Variants in MACF1 observed in about 807,000 individuals in gnomAD.
The protein encoded by MACF1 is microtubule-actin cross-linking factor 1.
Under a neutral mutation model 854.8 loss-of-function variants are expected in MACF1, and 193 were observed. That is an observed-to-expected ratio of 0.23 (90% confidence interval 0.20 to 0.25). MACF1 has a LOEUF of 0.25. MACF1 is among the 10% of genes least tolerant of loss of function. The probability of loss-of-function intolerance (pLI) is 1.00; values close to 1 mark genes in which losing one functional copy is unlikely to be tolerated. For synonymous variants in MACF1, 3,185 were observed against 3,226.7 expected (o/e 0.99, Z 0.44); for missense variants, 7,722 against 8,929.1 (o/e 0.86, Z 5.45).
At chr1:39,393,867 A>AG (rs1557628504) in intron 58 of MACF1, among the ~76,000 whole-genome samples, 33 of 134,120 alleles carry the variant, frequency 2.5e-4, no homozygotes, top group Admixed American at 1.4e-3. Context: ...GAGAGAGAGA[A>AG]AGAAAGAGAG....
At chr1:39,359,036 G>A in intron 46 of MACF1, 105 bp from the exon 47 acceptor site, 1 of 1,478,234 alleles carries the variant, frequency 6.8e-7, no homozygotes, top group Non-Finnish European at 9.2e-7. Context: ...TATGGCTATG[G>A]TTAAACTTAC....
rs187462252 is a variant in MACF1 at position 39,313,607 on chromosome 1, G to A, written c.3271-1906G>A. Among the ~76,000 whole-genome samples the A allele has an allele frequency of 7.8e-3, 1,117 of 144,052 alleles. 10 individuals carry two copies. The highest frequency in any genetic ancestry group is 0.011 in the Non-Finnish European group (729 of 66,062). 94.5% of individuals were successfully genotyped at this position (144,052 alleles called of 152,430 possible). A position where few individuals can be genotyped will look rare whatever the true frequency, so the allele number is the denominator to read the frequency against. On this transcript the variant is annotated intron_variant, in intron 26 of 100. Coordinates refer to ENST00000564288, the MANE Select transcript of MACF1 (RefSeq NM_001394062.1). Reference sequence around the variant, plus strand: ...CTTTCTTCTTTCATTATTTATTTATGTCAATATATACTCATGGATTCTTAT... The same window carrying A: ...CTTTCTTCTTTCATTATTTATTTATATCAATATATACTCATGGATTCTTAT...
chr1:39,379,354 G>A lies in MACF1; in HGVS notation c.13428G>A (p.Leu4476=), dbSNP rs146987379. 6 of 1,613,956 alleles carry A rather than the reference G, an allele frequency of 3.7e-6. No individual in the cohort carries two copies. The highest frequency in any genetic ancestry group is 5.1e-6 in the Non-Finnish European group (6 of 1,180,004). Residue 4476 remains leucine, a synonymous_variant, in exon 54 of 101, where the codon CTG becomes CTA. Coordinates refer to ENST00000564288, the MANE Select transcript of MACF1 (RefSeq NM_001394062.1). ...HKEANSVLQW[L]ESKEEVLKSM... ...AGGCAAACTCTGTGCTGCAGTGGCT[G>A]GAATCAAAAGAGGAAGTCCTGAAAT...
At chr1:39,113,608 T>TGGTC (rs1239541660) in intron 2 of MACF1, among the ~76,000 whole-genome samples, 9 of 152,318 alleles carry the variant, frequency 5.9e-5, no homozygotes, top group Non-Finnish European at 1.2e-4. Context: ...GGTTGACACA[T>TGGTC]GGTCATACAG....
intron 2 of MACF1, among the ~76,000 whole-genome samples, chr1:39,170,775 C>A (rs987592489): frequency 6.6e-6 from 1 of 152,168 alleles, no homozygotes; most frequent in African/African-American, 2.4e-5. Flanking sequence ...TTTTGAAAAG[C>A]AAAGCACCTA....
intron 6 of MACF1, among the ~76,000 whole-genome samples, chr1:39,279,206 C>G (rs1459125517): frequency 6.6e-6 from 1 of 152,102 alleles, no homozygotes; most frequent in Non-Finnish European, 1.5e-5. Context: ...TCCTATGTCC[C>G]TTGAATCTGC....
chr1:39,212,393 T>C (rs1312337269), intron 1 of MACF1, among the ~76,000 whole-genome samples: 6 of 152,158 alleles, frequency 3.9e-5, no homozygotes, highest in Non-Finnish European at 8.8e-5. Context: ...AGACTGACCT[T>C]GTCCCCAAGA....
At chr1:39,406,738 C>CAAAAAAAAAAAAAAAAAAAAAAAA (rs5773658) in intron 58 of MACF1, among the ~76,000 whole-genome samples, 1 of 31,836 alleles carries the variant, frequency 3.1e-5, no homozygotes, top group African/African-American at 1.5e-4. Flanking sequence ...GAGTCTCACT[C>CAAAAAAAAAAAAAAAAAAAAAAAA]AAAAAAAAAA....
At chr1:39,352,542 G>A (rs541835151) in intron 43 of MACF1, among the ~76,000 whole-genome samples, 1 of 152,196 alleles carries the variant, frequency 6.6e-6, no homozygotes, top group Non-Finnish European at 1.5e-5. Context: ...TTTTGAGACA[G>A]AGTATTGCCG....
chr1:39,447,922 A>G, intron 82 of MACF1, 24 bp downstream of exon 82: 1 of 1,613,170 alleles, frequency 6.2e-7, no homozygotes, highest in South Asian at 1.1e-5. Flanking sequence ...GAAAGATACT[A>G]ATTCACTGAA....
chr1:39,263,771 C>CTTTTTTTTTTTTTTTTTTTTTTTTTT (rs11453750), intron 6 of MACF1, among the ~76,000 whole-genome samples: 1 of 100,166 alleles, frequency 1.0e-5, no homozygotes, highest in African/African-American at 4.1e-5. Context: ...TTTCTTTTTT[C>CTTTTTTTTTTTTTTTTTTTTTTTTTT]TTTTTTTTTT....
At chr1:39,108,605 G>C (rs963347804) in intron 2 of MACF1, among the ~76,000 whole-genome samples, 3 of 151,516 alleles carry the variant, frequency 2.0e-5, no homozygotes, top group African/African-American at 7.3e-5. Context: ...CTGCCTCGCG[G>C]TTCACGCCGG....
chr1:39,270,024 G>T (rs1645285959), intron 6 of MACF1, among the ~76,000 whole-genome samples: 1 of 152,214 alleles, frequency 6.6e-6, no homozygotes, highest in African/African-American at 2.4e-5. Context: ...TCTCAGGCAG[G>T]TCTGTTTACC....
At chr1:39,145,121 G>C (rs1312772165) in intron 2 of MACF1, among the ~76,000 whole-genome samples, 6 of 151,996 alleles carry the variant, frequency 3.9e-5, no homozygotes, top group Admixed American at 3.9e-4. Flanking sequence ...ATAACAGTGT[G>C]CTGACTGACT....
chr1:39,264,921 G>A (rs536089167), intron 6 of MACF1, among the ~76,000 whole-genome samples: 18 of 151,838 alleles, frequency 1.2e-4, no homozygotes, highest in Non-Finnish European at 2.5e-4. Flanking sequence ...TGATCCACCC[G>A]CCTCGGCCTC....
intron 49 of MACF1, among the ~76,000 whole-genome samples, chr1:39,364,495 A>ATT (rs1200355447): frequency 5.6e-5 from 8 of 142,556 alleles, no homozygotes; most frequent in Non-Finnish European, 1.1e-4. Flanking sequence ...TAAACGTGGA[A>ATT]TTTTTTTTTT....
chr1:39,411,449 G>A, intron 58 of MACF1: 1 of 1,613,898 alleles, frequency 6.2e-7, no homozygotes, highest in African/African-American at 1.3e-5. Flanking sequence ...GGTCAGATTT[G>A]TTGCCCTGAT....
chr1:39,153,069 T>C (rs1025506393), intron 2 of MACF1, among the ~76,000 whole-genome samples: 1 of 152,194 alleles, frequency 6.6e-6, no homozygotes, highest in African/African-American at 2.4e-5. Flanking sequence ...TGAGAGAAAC[T>C]GTTCTTGCGG....
intron 83 of MACF1, 120 bp from the exon 84 acceptor site, chr1:39,448,472 CAA>C: frequency 1.3e-6 from 1 of 785,306 alleles, no homozygotes; most frequent in Non-Finnish European, 1.9e-6. Context: ...AATTTTAGTT[CAA>C]AAAAAGTGGT....
Sources: gnomAD v4.1 joint callset for allele counts (sites outside exome capture counted in the v4.1 genomes callset) on GRCh38, gnomAD v4.1.1 for gene constraint, MANE v1.5 for transcripts, NCBI Gene and HGNC (gene_info 2026-07-23, HGNC 2026-07-21) for gene names.